The following PTPRA variants were observed in gnomAD, a reference collection of about 807,000 sequenced individuals.
PTPRA encodes the protein receptor-type tyrosine-protein phosphatase alpha.
In PTPRA, 25 loss-of-function variants were observed where a neutral mutation model predicts 104.8. The ratio of observed to expected loss-of-function variants is 0.24; its 90% confidence interval spans 0.17 to 0.33. The LOEUF (loss-of-function observed/expected upper bound fraction) is 0.33, where lower values mean the gene tolerates loss of function less well. PTPRA is among the 10% of genes least tolerant of loss of function. The probability of loss-of-function intolerance (pLI) is 1.00; values close to 1 mark genes in which losing one functional copy is unlikely to be tolerated. For missense variants in PTPRA, 765 were observed against 1,015.3 expected (o/e 0.75, Z 3.35); for synonymous variants, 323 against 368.9 (o/e 0.88, Z 1.43).
intron 9 of PTPRA, among the ~76,000 whole-genome samples, chr20:2,992,240 G>A (rs1045182740): frequency 1.3e-5 from 2 of 152,156 alleles, no homozygotes; most frequent in African/African-American, 2.4e-5. Flanking sequence ...TTACGAGACC[G>A]GCCCGGTGGC....
At chr20:2,980,574 C>T (rs1425704934) in intron 6 of PTPRA, among the ~76,000 whole-genome samples, 1 of 151,586 alleles carries the variant, frequency 6.6e-6, no homozygotes, top group Non-Finnish European at 1.5e-5. Flanking sequence ...AAACGCAATG[C>T]AGCAGTGGCT....
chr20:3,001,339 C>G (rs2063616639), intron 9 of PTPRA, among the ~76,000 whole-genome samples: 1 of 152,178 alleles, frequency 6.6e-6, no homozygotes, highest in Admixed American at 6.5e-5. Context: ...TTTTTAGGAG[C>G]CTTAGTCCAC....
intron 9 of PTPRA, among the ~76,000 whole-genome samples, chr20:2,999,884 T>TA (rs1288524371): frequency 6.6e-6 from 1 of 152,178 alleles, no homozygotes; most frequent in East Asian, 1.9e-4. Flanking sequence ...TCATAAATGA[T>TA]ACCATAAAGA....
intron 2 of PTPRA, among the ~76,000 whole-genome samples, chr20:2,941,253 A>G (rs1190171201): frequency 6.6e-6 from 1 of 150,756 alleles, no homozygotes; most frequent in Non-Finnish European, 1.5e-5. Flanking sequence ...CTGGTCTTGA[A>G]CTCCTGACCT....
chr20:3,037,163 A>T lies in PTPRA; in HGVS notation c.2208A>T (p.Ala736=). Residue 736 remains alanine, a synonymous_variant, in exon 23 of 24, where the codon GCA becomes GCT. Transcript: ENST00000399903. This position sits in a 1 kb window ranked among gnomAD's most constrained non-coding sequence, Gnocchi z 4.3. ...HPITVHCSAG[A]GRTGTFCALS... is the part of the protein sequence containing the mutation. ...GTCTGCTCTGTTGCAGCGCCGGGGC[A>T]GGAAGGACGGGGACCTTCTGTGCCC... 1.2e-6 allele frequency: 2 copies of T among 1,614,124 alleles called. No individual in the cohort carries two copies. The highest frequency in any genetic ancestry group is 1.7e-6 in the Non-Finnish European group (2 of 1,179,984).
chr20:2,932,158 G>C (rs1055497929), intron 2 of PTPRA, among the ~76,000 whole-genome samples: 3 of 152,174 alleles, frequency 2.0e-5, no homozygotes, highest in Non-Finnish European at 4.4e-5. Flanking sequence ...AGAATAAGTT[G>C]ACCATAACAT....
intron 2 of PTPRA, among the ~76,000 whole-genome samples, chr20:2,937,411 T>C (rs1242219672): frequency 6.6e-6 from 1 of 152,098 alleles, no homozygotes. Context: ...GCATGAGCCA[T>C]TGTGCCTGGC....
chr20:3,029,645 T>G (rs948269809), intron 20 of PTPRA, among the ~76,000 whole-genome samples: 1 of 147,520 alleles, frequency 6.8e-6, no homozygotes, highest in Non-Finnish European at 1.5e-5. Context: ...CTGGCAATTC[T>G]CCTGCCACAG....
chr20:2,882,501 C>G (rs907078699), intron 1 of PTPRA, among the ~76,000 whole-genome samples: 1 of 151,828 alleles, frequency 6.6e-6, no homozygotes, highest in Non-Finnish European at 1.5e-5. Context: ...CTATGTTTCC[C>G]AGGCTGGCCT....
intron 9 of PTPRA, among the ~76,000 whole-genome samples, chr20:2,990,064 G>A (rs2063103838): frequency 6.6e-6 from 1 of 152,146 alleles, no homozygotes; most frequent in Admixed American, 6.6e-5. Flanking sequence ...AATAGCCCAT[G>A]GGCAGACCAG....
chr20:2,905,690 C>CTT (rs11479039), intron 1 of PTPRA, among the ~76,000 whole-genome samples: 41 of 70,626 alleles, frequency 5.8e-4, no homozygotes, highest in Non-Finnish European at 7.3e-4. Flanking sequence ...TCATAAAATT[C>CTT]TTTTTTTTTT....
intron 2 of PTPRA, among the ~76,000 whole-genome samples, chr20:2,941,306 C>G (rs1331202216): frequency 1.3e-5 from 2 of 152,172 alleles, no homozygotes; most frequent in Non-Finnish European, 2.9e-5. Flanking sequence ...GCTGGGATTA[C>G]AGGCATGAGC....
chr20:2,982,445 T>G (rs1299316053), intron 6 of PTPRA, among the ~76,000 whole-genome samples: 1 of 152,178 alleles, frequency 6.6e-6, no homozygotes, highest in Non-Finnish European at 1.5e-5. Flanking sequence ...AATTACTATT[T>G]TTTTTTGTTC....
At chr20:2,925,264 G>A (rs1049413010) in intron 2 of PTPRA, among the ~76,000 whole-genome samples, 9 of 152,028 alleles carry the variant, frequency 5.9e-5, no homozygotes, top group Admixed American at 1.3e-4. Flanking sequence ...TAGTTACCTC[G>A]TATAAGTGGA....
chr20:2,915,565 G>A (rs1182266268), intron 1 of PTPRA, among the ~76,000 whole-genome samples: 1 of 152,032 alleles, frequency 6.6e-6, no homozygotes, highest in Non-Finnish European at 1.5e-5. Context: ...GCATCCCATA[G>A]GTTGTCTTTC....
intron 11 of PTPRA, among the ~76,000 whole-genome samples, chr20:3,008,860 C>T (rs4308171): frequency 0.34 from 51,816 of 151,488 alleles, 10,114 homozygotes; most frequent in East Asian, 0.68. Flanking sequence ...TGCAGTGAGC[C>T]GAGATGGCGC....
chr20:2,972,407 T>G (rs2062227923), intron 5 of PTPRA, among the ~76,000 whole-genome samples: 1 of 152,154 alleles, frequency 6.6e-6, no homozygotes, highest in Non-Finnish European at 1.5e-5. Flanking sequence ...ACTCACTGTG[T>G]TGCCCAGACT....
rs2061866353 is a variant in PTPRA at position 2,964,299 on chromosome 20, G to C, written c.22G>C (p.Val8Leu). 1 of 1,610,840 alleles carries C rather than the reference G, an allele frequency of 6.2e-7. No homozygotes were observed. Among genetic ancestry groups the C allele is most frequent in the South Asian group, 1.1e-5 (1 of 90,242 alleles). Residue 8 changes from valine (V) to leucine (L), a missense_variant, in exon 4 of 24, where the codon GTT becomes CTT. Around this residue, in one of 4 missense-constraint regions of PTPRA, gnomAD observed 256 missense variants for 248.9 expected, o/e 1.03. Coordinates refer to ENST00000399903, the MANE Select transcript of PTPRA (RefSeq NM_001385305.1). ...AAGCATGGATTCCTGGTTCATTCTT[G>C]TTCTGCTCGGCAGTGGTCTGATATG... Reference protein sequence around the residue: MDSWFILVLLGSGLICVS... With the variant: MDSWFILLLLGSGLICVS...
intron 1 of PTPRA, among the ~76,000 whole-genome samples, chr20:2,888,356 T>C (rs1183416655): frequency 6.6e-6 from 1 of 152,066 alleles, no homozygotes; most frequent in Non-Finnish European, 1.5e-5. Context: ...GCCCAGGAGT[T>C]CGAGACCAGC....
Sources: gnomAD v4.1 joint callset for allele counts (sites outside exome capture counted in the v4.1 genomes callset) on GRCh38, gnomAD v4.1.1 for gene constraint, gnomAD v4.1.1 regional missense constraint, Gnocchi (gnomAD v3.1) non-coding constraint, MANE v1.5 for transcripts, NCBI Gene and HGNC (gene_info 2026-07-23, HGNC 2026-07-21) for gene names.